The following KIF6 variants were observed in gnomAD, a reference collection of about 807,000 sequenced individuals.
The protein encoded by KIF6 is kinesin family member 6.
KIF6 carries 106 observed loss-of-function variants against 112.7 expected under a neutral mutation model. The ratio of observed to expected loss-of-function variants is 0.94; its 90% CI spans 0.80 to 1.11. The LOEUF (loss-of-function observed/expected upper bound fraction) is 1.11, where lower values mean the gene tolerates loss of function less well. Among genes scored for constraint, KIF6 ranks in the 50% least tolerant of loss-of-function variants. KIF6 has a pLI of 0.00. For synonymous variants in KIF6, 339 were observed against 339.9 expected (o/e 1.00, Z 0.03); for missense variants, 929 against 964.0 (o/e 0.96, Z 0.48).
Position 39,343,192 on chromosome 6 carries a change from C to A in KIF6, c.2428+517G>T. 2.5e-6 allele frequency: 3 copies of A among 1,212,510 alleles called. No individual in the cohort carries two copies. Among genetic ancestry groups the A allele is most frequent in the Non-Finnish European group, 3.1e-6 (3 of 954,108 alleles). 75.1% of individuals were successfully genotyped at this position (1,212,510 alleles called of 1,614,324 possible). ...TGCAGACCAAGAAGAGCCTTCTTCT[C>A]TTCCTGTTGTCTGACACGCCACTCT... is the stretch of plus-strand genomic sequence containing the variant. On this transcript the variant is annotated intron_variant, in intron 22 of 22. Transcript: ENST00000287152. This position sits in a 1 kb window ranked among gnomAD's most constrained non-coding sequence, Gnocchi z 4.1.
At chr6:39,609,458 C>T (rs147600152) in intron 6 of KIF6, among the ~76,000 whole-genome samples, 5 of 151,064 alleles carry the variant, frequency 3.3e-5, no homozygotes, top group Middle Eastern at 3.4e-3. Context: ...CTAGACCACT[C>T]GGACACAGTA....
At chr6:39,573,071 A>G (rs906686939) in intron 10 of KIF6, among the ~76,000 whole-genome samples, 1 of 151,468 alleles carries the variant, frequency 6.6e-6, no homozygotes, top group African/African-American at 2.4e-5. Flanking sequence ...TGATGGTAAT[A>G]TCCTTATGCC....
chr6:39,540,958 G>A (rs1242946678), intron 12 of KIF6, among the ~76,000 whole-genome samples: 2 of 152,162 alleles, frequency 1.3e-5, no homozygotes, highest in Admixed American at 6.5e-5. Context: ...CTGTGTTCAC[G>A]ATGCCTAGAA....
intron 18 of KIF6, among the ~76,000 whole-genome samples, chr6:39,357,597 C>T (rs1459062465): frequency 6.6e-6 from 1 of 152,026 alleles, no homozygotes; most frequent in African/African-American, 2.4e-5. Context: ...TATAGGCACC[C>T]GCCATCATGC....
At chr6:39,713,971 T>C (rs769321156) in intron 3 of KIF6, among the ~76,000 whole-genome samples, 2 of 152,178 alleles carry the variant, frequency 1.3e-5, no homozygotes, top group East Asian at 3.8e-4. Context: ...TAAAGATGAA[T>C]GTGTCTTGGG....
rs139496402 is a variant in KIF6, at chr6:39,386,862, C to T, written c.1811-1190G>A. 2.3e-3 allele frequency among the ~76,000 whole-genome samples: 357 copies of T among 152,308 alleles called. 2 individuals carry two copies. The highest frequency in any genetic ancestry group is 0.014 in the Middle Eastern group (4 of 294). On this transcript the variant is annotated intron_variant, in intron 15 of 22. Coordinates refer to ENST00000287152, the MANE Select transcript of KIF6 (RefSeq NM_145027.6). Reference sequence around the variant, plus strand: ...GCATGTCCCATTTGGGGGATGTGATCAGGCCACTGGGGGATTCCAAGAAAG... The same window carrying T: ...GCATGTCCCATTTGGGGGATGTGATTAGGCCACTGGGGGATTCCAAGAAAG...
At chr6:39,520,951 TA>T (rs1777364231) in intron 13 of KIF6, among the ~76,000 whole-genome samples, 2 of 152,362 alleles carry the variant, frequency 1.3e-5, no homozygotes, top group South Asian at 4.1e-4. Context: ...AGATGTTTTA[TA>T]AAGATCATGT....
At chr6:39,450,399 C>T (rs1772612292) in intron 13 of KIF6, among the ~76,000 whole-genome samples, 1 of 152,216 alleles carries the variant, frequency 6.6e-6, no homozygotes, top group Non-Finnish European at 1.5e-5. Context: ...AAGATGTCAA[C>T]CTCATCTATG....
At chr6:39,715,803 G>A (rs1789817044) in intron 2 of KIF6, among the ~76,000 whole-genome samples, 1 of 152,136 alleles carries the variant, frequency 6.6e-6, no homozygotes, top group Admixed American at 6.5e-5. Flanking sequence ...AGGGAAGATT[G>A]TATTTTAGAC....
intron 3 of KIF6, among the ~76,000 whole-genome samples, chr6:39,678,823 C>G (rs933182970): frequency 6.6e-6 from 1 of 152,136 alleles, no homozygotes; most frequent in African/African-American, 2.4e-5. Context: ...TGAAACTATT[C>G]AAGCTTCTAT....
At chr6:39,429,007 A>G (rs568309514) in intron 14 of KIF6, among the ~76,000 whole-genome samples, 2 of 152,336 alleles carry the variant, frequency 1.3e-5, no homozygotes, top group South Asian at 4.1e-4. Flanking sequence ...ATAGACCCAG[A>G]AGAGGAACTG....
intron 13 of KIF6, among the ~76,000 whole-genome samples, chr6:39,521,791 C>T (rs1488449779): frequency 6.6e-6 from 1 of 152,154 alleles, no homozygotes; most frequent in African/African-American, 2.4e-5. Context: ...AGAAGCATAT[C>T]ATTAAAAACC....
chr6:39,430,889 G>C (rs1432563861), intron 14 of KIF6, among the ~76,000 whole-genome samples, 164 bp downstream of exon 14: 8 of 152,218 alleles, frequency 5.3e-5, no homozygotes, highest in African/African-American at 1.9e-4. Context: ...ACATGAAGGA[G>C]AATTGTACCA....
intron 7 of KIF6, among the ~76,000 whole-genome samples, chr6:39,591,840 C>T (rs1021242090): frequency 3.9e-5 from 6 of 152,060 alleles, no homozygotes; most frequent in South Asian, 4.2e-4. Context: ...TGGCCAGGAG[C>T]GGTGGCTCAC....
chr6:39,362,577 T>C lies in KIF6; in HGVS notation c.1862-59A>G, dbSNP rs958893628. 7.8e-6 allele frequency: 10 copies of C among 1,278,172 alleles called. No homozygotes were observed. In the African/African-American group the frequency reaches 1.3e-4, roughly 17 times the overall value. 79.2% of individuals were successfully genotyped at this position (1,278,172 alleles called of 1,614,324 possible). ...AAGAAGGGTAAAAGGAAGAGTGTGATATTTGGGCAGATGACAGAGTTCAAG... is the reference window on the plus strand; with the variant it reads ...AAGAAGGGTAAAAGGAAGAGTGTGACATTTGGGCAGATGACAGAGTTCAAG... On this transcript the variant is annotated intron_variant, in intron 16 of 22. Transcript: ENST00000287152.
intron 5 of KIF6, among the ~76,000 whole-genome samples, chr6:39,619,943 C>T (rs1427382108): frequency 2.6e-5 from 4 of 152,118 alleles, no homozygotes; most frequent in African/African-American, 4.8e-5. Flanking sequence ...TCTAACCAAA[C>T]TATTCCATGC....
In KIF6 at chr6:39,503,291, A is replaced by C. The variant is rs189063250; in HGVS notation, c.1645+36712T>G. On this transcript the variant is annotated intron_variant, in intron 13 of 22. Transcript: ENST00000287152. ...AGAGATCAAGAAGTTCTTTGAAACTAATGAGAACAAAGATACAACGTACCA... is the reference window on the plus strand; with the variant it reads ...AGAGATCAAGAAGTTCTTTGAAACTCATGAGAACAAAGATACAACGTACCA... Among the ~76,000 whole-genome samples the C allele has an allele frequency of 4.1e-3, 620 of 152,304 alleles. 1 individual carries two copies. The highest frequency in any genetic ancestry group is 0.01 in the Middle Eastern group (3 of 294).
intron 18 of KIF6, among the ~76,000 whole-genome samples, chr6:39,359,222 AG>A: frequency 6.6e-6 from 1 of 152,308 alleles, no homozygotes; most frequent in South Asian, 2.1e-4. Flanking sequence ...CAGCCAGAAA[AG>A]GGATCTGATT....
At chr6:39,480,040 A>C (rs1009668141) in intron 13 of KIF6, among the ~76,000 whole-genome samples, 16 of 152,236 alleles carry the variant, frequency 1.1e-4, no homozygotes, top group African/African-American at 3.6e-4. Context: ...GATGCCGTTT[A>C]TTTCTTTCTC....
Sources: gnomAD v4.1 joint callset for allele counts (sites outside exome capture counted in the v4.1 genomes callset) on GRCh38, gnomAD v4.1.1 for gene constraint, Gnocchi (gnomAD v3.1) non-coding constraint, MANE v1.5 for transcripts, NCBI Gene and HGNC (gene_info 2026-07-23, HGNC 2026-07-21) for gene names.